Variants in RTN1 observed in about 807,000 individuals in gnomAD.
RTN1 encodes reticulon 1, also known as reticulon-1.
In RTN1, 25 loss-of-function variants were observed where a neutral mutation model predicts 65.5. The observed-to-expected ratio is 0.38, with a 90% CI of 0.28 to 0.53. RTN1 has a LOEUF of 0.53. Ranked by LOEUF, RTN1 falls within the 20% of genes least tolerant of loss-of-function variation. The pLI, the probability that RTN1 is intolerant of heterozygous loss-of-function variation, is 0.79. For missense variants in RTN1, 983 were observed against 1,025.4 expected (o/e 0.96, Z 0.57); for synonymous variants, 471 against 447.6 (o/e 1.05, Z -0.66).
intron 3 of RTN1, among the ~76,000 whole-genome samples, chr14:59,634,076 T>G (rs1372538383): frequency 6.6e-6 from 1 of 152,154 alleles, no homozygotes; most frequent in Non-Finnish European, 1.5e-5. Flanking sequence ...TATTCATTTG[T>G]AGACAAGTGT....
At chr14:59,832,932 A>G (rs1234957299) in intron 1 of RTN1, among the ~76,000 whole-genome samples, 3 of 152,162 alleles carry the variant, frequency 2.0e-5, no homozygotes, top group African/African-American at 7.2e-5. Context: ...AGTGCCCTGT[A>G]TTATAATTAC....
chr14:59,714,868 T>C (rs1408123674), intron 3 of RTN1, among the ~76,000 whole-genome samples: 1 of 152,118 alleles, frequency 6.6e-6, no homozygotes, highest in African/African-American at 2.4e-5. Flanking sequence ...GGCAGGTGAG[T>C]GAGCATTTCT....
At chr14:59,861,563 C>T (rs1346193861) in intron 1 of RTN1, among the ~76,000 whole-genome samples, 1 of 152,164 alleles carries the variant, frequency 6.6e-6, no homozygotes, top group African/African-American at 2.4e-5. Context: ...TAATGACTTC[C>T]TTTCTGCTTT....
chr14:59,847,212 T>C (rs1454318142), intron 1 of RTN1, among the ~76,000 whole-genome samples: 1 of 152,188 alleles, frequency 6.6e-6, no homozygotes, highest in Non-Finnish European at 1.5e-5. Context: ...TTTCTTTATC[T>C]CCTTCATTAG....
chr14:59,720,842 T>C (rs948685437), intron 3 of RTN1, among the ~76,000 whole-genome samples: 2 of 152,146 alleles, frequency 1.3e-5, no homozygotes, highest in East Asian at 1.9e-4. Flanking sequence ...GTCCATCTTG[T>C]TGAAAGCTGA....
intron 1 of RTN1, among the ~76,000 whole-genome samples, chr14:59,818,923 A>T (rs1191649480): frequency 7.2e-5 from 11 of 152,212 alleles, no homozygotes; most frequent in Non-Finnish European, 1.5e-4. Flanking sequence ...AACAATGAAG[A>T]CGCGGACCTT....
In RTN1 at chr14:59,780,499, G is replaced by A. The variant is rs115901438; in HGVS notation, c.242-34018C>T. 5.4e-3 allele frequency among the ~76,000 whole-genome samples: 822 copies of A among 152,274 alleles called. 9 individuals carry two copies. The highest frequency in any genetic ancestry group is 0.019 in the African/African-American group (799 of 41,550). ...ATTACCTAATGGTGCCAACCATTCCGGAGGAAGTCAAAGCTGGTGGTTATC... is the reference window on the plus strand; with the variant it reads ...ATTACCTAATGGTGCCAACCATTCCAGAGGAAGTCAAAGCTGGTGGTTATC... On this transcript the variant is annotated intron_variant, in intron 1 of 8. Coordinates refer to ENST00000267484, the MANE Select transcript of RTN1 (RefSeq NM_021136.3).
chr14:59,610,722 A>G (rs1157500151), intron 3 of RTN1, among the ~76,000 whole-genome samples: 6 of 152,202 alleles, frequency 3.9e-5, no homozygotes, highest in Non-Finnish European at 7.3e-5. Context: ...TGGGGACTAG[A>G]TTGCCTTTGT....
Position 59,766,121 on chromosome 14 carries a change from T to C in RTN1, c.242-19640A>G, listed in dbSNP as rs373541128. Among the ~76,000 whole-genome samples the C allele has an allele frequency of 5.1e-3, 772 of 152,138 alleles. 3 individuals are homozygous for C. The highest frequency in any genetic ancestry group is 8.7e-3 in the Non-Finnish European group (589 of 67,994). Reference sequence around the variant, plus strand: ...GGTACACACTTGTAGTCCCAGCTACTTGGGAGGCTGAGGCAGGACTATTGC... The same window carrying C: ...GGTACACACTTGTAGTCCCAGCTACCTGGGAGGCTGAGGCAGGACTATTGC... On this transcript the variant is annotated intron_variant, in intron 1 of 8. Transcript: ENST00000267484. The surrounding 1 kb of genome is among the most constrained non-coding windows in gnomAD (Gnocchi z 4.4).
chr14:59,702,808 T>C (rs182293940), intron 3 of RTN1, among the ~76,000 whole-genome samples: 3 of 152,320 alleles, frequency 2.0e-5, no homozygotes, highest in Non-Finnish European at 4.4e-5. Flanking sequence ...TTTCACCCCA[T>C]GGGGGTCCCA....
At chr14:59,747,781 C>T (rs1051093582) in intron 1 of RTN1, among the ~76,000 whole-genome samples, 1 of 151,774 alleles carries the variant, frequency 6.6e-6, no homozygotes, top group Non-Finnish European at 1.5e-5. Context: ...AAATTAAGTC[C>T]CACACTCTCT....
Position 59,621,462 on chromosome 14 carries a change from T to A in RTN1, c.1766-13970A>T, listed in dbSNP as rs117958237. ...TGAGAGATCAGTGTGTCCTATCAAT[T>A]TGATAAAGGAACTGGGCTTGGTGAT... On this transcript the variant is annotated intron_variant, in intron 3 of 8. Transcript: ENST00000267484. Among the ~76,000 whole-genome samples, 174 of 152,272 alleles carry A rather than the reference T, an allele frequency of 1.1e-3. 3 individuals are homozygous for A. In the East Asian group the frequency reaches 0.029, roughly 26 times the overall value.
chr14:59,752,977 C>G (rs1885563499), intron 1 of RTN1, among the ~76,000 whole-genome samples: 1 of 152,162 alleles, frequency 6.6e-6, no homozygotes, highest in South Asian at 2.1e-4. Flanking sequence ...GAAACCAGTA[C>G]TTTGTAGAAA....
rs1887210799 is a variant in RTN1, at chr14:59,836,241, C to A, written c.241+34149G>T. On this transcript the variant is annotated intron_variant, in intron 1 of 8. Transcript: ENST00000267484. This position sits in a 1 kb window ranked among gnomAD's most constrained non-coding sequence, Gnocchi z 4.9. ...GGTTCCAGGGATTAGACGTGGACAC[C>A]TTTGGGAGCCATTATTCTGCCTACC... Among the ~76,000 whole-genome samples, 1 of 152,226 alleles carries A rather than the reference C, an allele frequency of 6.6e-6. No individual in the cohort carries two copies. Among genetic ancestry groups the A allele is most frequent in the African/African-American group, 2.4e-5 (1 of 41,462 alleles).
chr14:59,596,783 G>T lies in RTN1; in HGVS notation c.2293C>A (p.Gln765Lys). The T allele has an allele frequency of 6.2e-7, 1 of 1,610,732 alleles. No homozygotes were observed. The highest frequency in any genetic ancestry group is 1.1e-5 in the South Asian group (1 of 91,000). The part of the protein sequence containing the change: ...THINAVVAKI[Q>K]AKIPGAKRHA... ...CTCTTAGCGCCTGGGATTTTAGCCT[G>T]AATCCTAAAAAGACAGTATCAAAAG... is the stretch of plus-strand genomic sequence containing the variant. The change falls in exon 9 of 9, where the codon CAG (glutamine) becomes AAG (lysine). Residue 765 changes from glutamine to lysine, a missense_variant. By Grantham distance (53) the Gln-to-Lys change is moderately conservative. Coordinates refer to ENST00000267484, the MANE Select transcript of RTN1 (RefSeq NM_021136.3).
chr14:59,828,012 T>C (rs755703792), intron 1 of RTN1, among the ~76,000 whole-genome samples: 5 of 152,222 alleles, frequency 3.3e-5, no homozygotes, highest in Non-Finnish European at 7.3e-5. Flanking sequence ...CCAAAATAAG[T>C]TGCCACCCTA....
intron 1 of RTN1, among the ~76,000 whole-genome samples, chr14:59,867,157 C>A (rs187812991): frequency 6.6e-6 from 1 of 152,270 alleles, no homozygotes; most frequent in African/African-American, 2.4e-5. Context: ...ACCTCTATTT[C>A]ATTTTGTTCA....
intron 1 of RTN1, among the ~76,000 whole-genome samples, chr14:59,826,257 T>C (rs1009141413): frequency 3.9e-5 from 6 of 152,204 alleles, no homozygotes; most frequent in African/African-American, 1.4e-4. Context: ...AGATAACCTT[T>C]GGAAAGTGAA....
At chr14:59,835,271 A>G (rs1280214511) in intron 1 of RTN1, among the ~76,000 whole-genome samples, 1 of 152,180 alleles carries the variant, frequency 6.6e-6, no homozygotes, top group Non-Finnish European at 1.5e-5. Flanking sequence ...CATATATGGT[A>G]TGATTCCATT....
Sources: allele counts gnomAD v4.1 joint callset (sites outside exome capture counted in the v4.1 genomes callset), GRCh38; gene constraint gnomAD v4.1.1; non-coding constraint Gnocchi (gnomAD v3.1); transcripts MANE v1.5; gene names NCBI Gene and HGNC (gene_info 2026-07-23, HGNC 2026-07-21).